The following NF1 variants were observed in gnomAD, a reference collection of about 807,000 sequenced individuals.
NF1 encodes neurofibromin 1, also known as neurofibromin.
Under a neutral mutation model 325.7 loss-of-function variants are expected in NF1, and 122 were observed. The observed-to-expected ratio is 0.37, with a 90% CI of 0.32 to 0.44. The LOEUF (loss-of-function observed/expected upper bound fraction) is 0.44, where lower values mean the gene tolerates loss of function less well. Ranked by LOEUF, NF1 falls within the 20% of genes least tolerant of loss-of-function variation. The pLI is 1.00. For synonymous variants in NF1, 1,091 were observed against 1,186.0 expected, an observed-to-expected ratio of 0.92 and a Z score of 1.65; for missense variants, 2,140 against 3,415.4, an observed-to-expected ratio of 0.63 and a Z score of 9.31.
intron 31 of NF1, chr17:31,253,723 TGA>T (rs1222621743): frequency 6.6e-6 from 1 of 152,216 alleles, no homozygotes; most frequent in African/African-American, 2.4e-5. Context: ...AAGAAAATTA[TGA>T]GAGTCGTAAT....
At chr17:31,145,385 G>T (rs1479542658) in intron 1 of NF1, among the ~76,000 whole-genome samples, 1 of 152,038 alleles carries the variant, frequency 6.6e-6, no homozygotes, top group Admixed American at 6.6e-5. Flanking sequence ...GTTTCACGAG[G>T]TTTCCCCATT....
chr17:31,201,568 C>G, intron 11 of NF1, 83 bp downstream of exon 11: 1 of 1,009,364 alleles, frequency 9.9e-7, no homozygotes, highest in Non-Finnish European at 1.6e-6. Flanking sequence ...GAAATGCACT[C>G]TTGGTTTTCA....
intron 11 of NF1, among the ~76,000 whole-genome samples, chr17:31,206,032 T>C (rs1186124535): frequency 6.6e-6 from 1 of 152,186 alleles, no homozygotes; most frequent in Non-Finnish European, 1.5e-5. Context: ...TGTCTCATGC[T>C]CACTATTATG....
intron 25 of NF1, 51 bp downstream of exon 25, chr17:31,232,240 C>T (rs1410563299): frequency 2.7e-6 from 3 of 1,106,450 alleles, no homozygotes; most frequent in Non-Finnish European, 4.2e-6. Flanking sequence ...TAAAGCCCCC[C>T]ACCACACAAA....
intron 8 of NF1, among the ~76,000 whole-genome samples, chr17:31,184,911 G>C (rs184476425): frequency 3.2e-4 from 48 of 152,182 alleles, no homozygotes; most frequent in Non-Finnish European, 4.0e-4. Context: ...GCATTGATTG[G>C]AAAAGAATGG....
rs796806933 is a variant in NF1, at chr17:31,149,291, TAC to T, written c.61-6670_61-6669del. Among the ~76,000 whole-genome samples, 92 of 147,180 alleles carry T rather than the reference TAC, an allele frequency of 6.3e-4. 1 individual carries two copies. The South Asian group carries it at 7.2e-3, about 12-fold the overall frequency. ...TTATATACATGTACACACACACACA[TAC>T]ACACACACACACACACACACATTTT... On this transcript the variant is annotated intron_variant, in intron 1 of 57. Coordinates refer to ENST00000358273, the MANE Select transcript of NF1 (RefSeq NM_001042492.3).
intron 36 of NF1, among the ~76,000 whole-genome samples, chr17:31,322,515 A>C (rs1463300287): frequency 1.5e-5 from 2 of 132,222 alleles, no homozygotes; most frequent in Non-Finnish European, 3.1e-5. Context: ...AAAAAAAAAA[A>C]AAAAAAAAAA....
At chr17:31,161,055 A>G (rs2065753669) in intron 3 of NF1, among the ~76,000 whole-genome samples, 1 of 152,188 alleles carries the variant, frequency 6.6e-6, no homozygotes, top group South Asian at 2.1e-4. Context: ...ATCAAAGTAA[A>G]TTGAGGCAGT....
chr17:31,335,113 C>A, intron 40 of NF1, 82 bp downstream of exon 40: 1 of 1,153,204 alleles, frequency 8.7e-7, no homozygotes, highest in Non-Finnish European at 1.3e-6. Flanking sequence ...AAGCACTGCG[C>A]TAGACACTAG....
rs2151553107 is a variant in NF1, at chr17:31,336,321, T to C, written c.6007-12T>C. ...AGTGATTAAAAACATGTTATTTTCC[T>C]TCTTCAACTAGATTACAGATCTGCT... On this transcript the variant is annotated splice_polypyrimidine_tract_variant and intron_variant, in intron 40 of 57. Coordinates refer to ENST00000358273, the MANE Select transcript of NF1 (RefSeq NM_001042492.3). The surrounding 1 kb of genome is among the most constrained non-coding windows in gnomAD (Gnocchi z 5.5). 3 of 1,613,568 alleles carry C rather than the reference T, an allele frequency of 1.9e-6. No homozygotes were observed. The highest frequency in any genetic ancestry group is 2.5e-6 in the Non-Finnish European group (3 of 1,179,546).
At position 31,360,542 on chromosome 17, in the gene NF1, T is replaced by C. The variant is rs752541243; in HGVS notation, c.8216T>C (p.Ile2739Thr). The change falls in exon 57 of 58, where the codon ATT becomes ACT. Residue 2739 changes from isoleucine to threonine, a missense_variant. Physicochemically the swap from Ile to Thr is moderately conservative, Grantham distance 89 (BLOSUM62 -1). Around this residue, in one of 10 missense-constraint regions of NF1, gnomAD observed 522 missense variants for 749.0 expected, o/e 0.70. Transcript: ENST00000358273. Reference sequence around the variant, plus strand: ...ATTGTTAAGTTTCTTGATGCCTTGATTGACACGTACCTGCCTGGAATTGAT... The same window carrying C: ...ATTGTTAAGTTTCTTGATGCCTTGACTGACACGTACCTGCCTGGAATTGAT... ...ELIVKFLDAL[I>T]DTYLPGIDEE... 5.2e-5 allele frequency: 84 copies of C among 1,614,022 alleles called. No individual in the cohort carries two copies. The highest frequency in any genetic ancestry group is 6.2e-5 in the Non-Finnish European group (73 of 1,180,024).
rs146523293 is a variant in NF1, at chr17:31,330,417, A to G, written c.5731A>G (p.Ile1911Val). Residue 1911 changes from isoleucine (I) to valine (V), a missense_variant, in exon 39 of 58, where the codon ATT becomes GTT. Ile to Val is a conservative substitution (Grantham distance 29, BLOSUM62 3). Coordinates refer to ENST00000358273, the MANE Select transcript of NF1 (RefSeq NM_001042492.3). ...CAACAACACCCTCTTTATTGTCTCT[A>G]TTAGTAAGACACTGGCAGCCAATGA... ...PANNTLFIVSISKTLAANEPH... is the reference protein window; with the variant it reads ...PANNTLFIVSVSKTLAANEPH... The G allele has an allele frequency of 1.4e-5, 23 of 1,613,694 alleles. No individual in the cohort carries two copies. Among genetic ancestry groups the G allele is most frequent in the East Asian group, 2.2e-5 (1 of 44,886 alleles).
chr17:31,224,897 A>G (rs2066985824), intron 16 of NF1, among the ~76,000 whole-genome samples, 198 bp from the exon 17 acceptor site: 1 of 152,174 alleles, frequency 6.6e-6, no homozygotes, highest in Non-Finnish European at 1.5e-5. Flanking sequence ...AGAATGGGAA[A>G]CTGAAAGAAA....
At position 31,248,965 on chromosome 17, in the gene NF1, T is replaced by G; in HGVS notation, c.3975-19T>G. ...GTTTTAAACAAAAGTGTTAGGATTTTATTTTTATTTTTTTGTAGGTTAGAA... is the reference window on the plus strand; with the variant it reads ...GTTTTAAACAAAAGTGTTAGGATTTGATTTTTATTTTTTTGTAGGTTAGAA... On this transcript the variant is annotated intron_variant, in intron 29 of 57. Coordinates refer to ENST00000358273, the MANE Select transcript of NF1 (RefSeq NM_001042492.3). 6.2e-7 allele frequency: 1 copy of G among 1,613,342 alleles called. No homozygotes were observed. Among genetic ancestry groups the G allele is most frequent in the Non-Finnish European group, 8.5e-7 (1 of 1,179,538 alleles).
rs748027595 is a variant in NF1, at chr17:31,350,257, A to G, written c.7396A>G (p.Ile2466Val). The change falls in exon 50 of 58, where the codon ATT becomes GTT. Residue 2466 changes from isoleucine (I) to valine (V), a missense_variant. By Grantham distance (29) the Ile-to-Val change is conservative (BLOSUM62 3). Transcript: ENST00000358273. ...KHRKSLLLTD[I>V]SMENVPMDTY... ...TAGAAAGTCACTTCTTCTTACTGAT[A>G]TTTCAATGGAAAATGTTCCTATGGA... 20 of 1,613,658 alleles carry G rather than the reference A, an allele frequency of 1.2e-5. No homozygotes were observed. Among genetic ancestry groups the G allele is most frequent in the Non-Finnish European group, 1.6e-5 (19 of 1,179,620 alleles).
At chr17:31,285,035 C>G (rs1182036537) in intron 36 of NF1, among the ~76,000 whole-genome samples, 2 of 152,128 alleles carry the variant, frequency 1.3e-5, no homozygotes, top group Non-Finnish European at 2.9e-5. Context: ...AGGAGAATCG[C>G]TTGAGCCCGG....
chr17:31,166,708 C>T (rs146665775), intron 4 of NF1, among the ~76,000 whole-genome samples: 152 of 151,712 alleles, frequency 1.0e-3, no homozygotes, highest in African/African-American at 3.3e-3. Context: ...GGAGTGGGGG[C>T]GGCAGGGGGA....
At chr17:31,102,308 A>C (rs1912411194) in intron 1 of NF1, among the ~76,000 whole-genome samples, 1 of 151,766 alleles carries the variant, frequency 6.6e-6, no homozygotes, top group African/African-American at 2.4e-5. Flanking sequence ...GAAAAGTCTA[A>C]AATTTTTCTA....
At chr17:31,339,178 T>TG (rs2069758202) in intron 46 of NF1, among the ~76,000 whole-genome samples, 1 of 152,130 alleles carries the variant, frequency 6.6e-6, no homozygotes, top group African/African-American at 2.4e-5. Context: ...GCTTACTTTC[T>TG]GGGGTGGGTG....
Sources: gnomAD v4.1 joint callset for allele counts (sites outside exome capture counted in the v4.1 genomes callset) on GRCh38, gnomAD v4.1.1 for gene constraint, gnomAD v4.1.1 regional missense constraint, Gnocchi (gnomAD v3.1) non-coding constraint, MANE v1.5 for transcripts, NCBI Gene and HGNC (gene_info 2026-07-23, HGNC 2026-07-21) for gene names.